PLS3: variants seen among roughly 807,000 people sequenced by gnomAD.
The protein encoded by PLS3 is plastin-3.
In PLS3, 11 loss-of-function variants were observed where a neutral mutation model predicts 46.5. The ratio of observed to expected loss-of-function variants is 0.24; its 90% CI spans 0.15 to 0.39. PLS3 has a LOEUF of 0.39. Among genes scored for constraint, PLS3 ranks in the 10% least tolerant of loss-of-function variants. The probability of loss-of-function intolerance (pLI) is 1.00; values close to 1 mark genes in which losing one functional copy is unlikely to be tolerated. For missense variants in PLS3, 308 were observed against 461.8 expected, an observed-to-expected ratio of 0.67 and a Z score of 3.05; for synonymous variants, 167 against 162.2, an observed-to-expected ratio of 1.03 and a Z score of -0.22.
chrX:115,649,786 T>A lies in PLS3; in HGVS notation c.*225T>A. On this transcript the variant is annotated 3_prime_UTR_variant, in exon 16 of 16. Coordinates refer to ENST00000355899, the MANE Select transcript of PLS3 (RefSeq NM_005032.7). ...TTGAATTTGTCAGGCACGCCTGAAATGTGCTCATAGCCAAAACATTTTACT... is the reference window on the plus strand; with the variant it reads ...TTGAATTTGTCAGGCACGCCTGAAAAGTGCTCATAGCCAAAACATTTTACT... The A allele has an allele frequency of 3.4e-6, 1 of 296,244 alleles. No individual in the cohort carries two copies. Among genetic ancestry groups the A allele is most frequent in the Non-Finnish European group, 6.0e-6 (1 of 165,874 alleles). The allele number at this position is 296,244 out of a possible 1,213,427, so 24.4% of individuals were successfully genotyped here. A position where few individuals can be genotyped will look rare whatever the true frequency, so the allele number is the denominator to read the frequency against.
At chrX:115,621,513 C>T (rs1556637566) in intron 2 of PLS3, among the ~76,000 whole-genome samples, 1 of 110,958 alleles carries the variant, frequency 9.0e-6, no homozygotes. Context: ...AGGACATTAG[C>T]CTTTTTCTCA....
chrX:115,603,782 C>G (rs1556634912), intron 1 of PLS3, among the ~76,000 whole-genome samples: 1 of 111,356 alleles, frequency 9.0e-6, no homozygotes, highest in Non-Finnish European at 1.9e-5. Context: ...GAAATAAACA[C>G]ATAAAGTCCA....
At chrX:115,591,559 C>A (rs1308269911) in intron 1 of PLS3, among the ~76,000 whole-genome samples, 1 of 111,389 alleles carries the variant, frequency 9.0e-6, no homozygotes, top group Non-Finnish European at 1.9e-5. Flanking sequence ...TGGGACAGAC[C>A]CGTCTCAGTG....
At position 115,643,441 on chromosome X, in the gene PLS3, C is replaced by T. The variant is rs782125600; in HGVS notation, c.1116C>T (p.Asn372=). The T allele has an allele frequency of 3.3e-6, 4 of 1,201,594 alleles. No individual in the cohort carries two copies. The highest frequency in any genetic ancestry group is 4.5e-6 in the Non-Finnish European group (4 of 887,982). ...AACTCAACTTAGCTTTCGTGGCTAACCTGTTTAATAAATACCCAGCACTAA... is the reference window on the plus strand; with the variant it reads ...AACTCAACTTAGCTTTCGTGGCTAATCTGTTTAATAAATACCCAGCACTAA... The part of the protein sequence containing the change: ...NPKLNLAFVA[N]LFNKYPALTK... The change falls in exon 10 of 16, where the codon AAC becomes AAT. Residue 372 remains asparagine, a synonymous_variant. Transcript: ENST00000355899.
At chrX:115,620,662 G>GC (rs1409261148) in intron 2 of PLS3, among the ~76,000 whole-genome samples, 1 of 105,855 alleles carries the variant, frequency 9.4e-6, no homozygotes, top group African/African-American at 3.5e-5. Flanking sequence ...GGGCAAGATA[G>GC]CCCCAGTCTA....
chrX:115,616,442 C>T (rs782551243), intron 2 of PLS3, among the ~76,000 whole-genome samples: 1 of 112,036 alleles, frequency 8.9e-6, no homozygotes, highest in African/African-American at 3.2e-5. Flanking sequence ...GTTTGTAAAA[C>T]GAAACTACTT....
intron 10 of PLS3, 144 bp downstream of exon 10, chrX:115,643,652 G>A: frequency 4.7e-6 from 2 of 426,885 alleles, no homozygotes; most frequent in Non-Finnish European, 8.2e-6. Flanking sequence ...TGGCAGGAAA[G>A]TACGATACAA....
chrX:115,587,769 T>G (rs1387297987), intron 1 of PLS3, among the ~76,000 whole-genome samples: 1 of 111,216 alleles, frequency 9.0e-6, no homozygotes, highest in Non-Finnish European at 1.9e-5. Context: ...AGTTTTACTT[T>G]GAAAGATTGA....
chrX:115,634,480 C>T (rs1388177615), intron 6 of PLS3, among the ~76,000 whole-genome samples: 1 of 111,639 alleles, frequency 9.0e-6, no homozygotes, highest in Non-Finnish European at 1.9e-5. Context: ...GGGATGTGGA[C>T]ATTGATAACT....
At chrX:115,625,199 G>A (rs1393631924) in intron 3 of PLS3, among the ~76,000 whole-genome samples, 1 of 111,552 alleles carries the variant, frequency 9.0e-6, no homozygotes, top group Non-Finnish European at 1.9e-5. Flanking sequence ...ATACAAACAT[G>A]TTCTTGCTTG....
intron 1 of PLS3, among the ~76,000 whole-genome samples, chrX:115,597,619 T>C (rs1382633436): frequency 8.9e-6 from 1 of 112,261 alleles, no homozygotes; most frequent in Admixed American, 9.4e-5. Context: ...ACTTTACAAG[T>C]ATTCCTGAAA....
At chrX:115,599,070 A>G (rs369855742) in intron 1 of PLS3, among the ~76,000 whole-genome samples, 2 of 111,450 alleles carry the variant, frequency 1.8e-5, no homozygotes, top group East Asian at 5.6e-4. Context: ...TTTTCTGGCA[A>G]CTGTTCTTAT....
At chrX:115,648,457 A>G (rs2074973580) in intron 15 of PLS3, among the ~76,000 whole-genome samples, 1 of 111,341 alleles carries the variant, frequency 9.0e-6, no homozygotes, top group Non-Finnish European at 1.9e-5. Flanking sequence ...ATCAGTTCCC[A>G]TATTAACAGA....
rs954233194 is a variant in PLS3 at position 115,635,756 on chromosome X, G to A, written c.748+710G>A. On this transcript the variant is annotated intron_variant, in intron 7 of 15. Coordinates refer to ENST00000355899, the MANE Select transcript of PLS3 (RefSeq NM_005032.7). ...TGTAATCCCAGCACTTTGGGAGGCC[G>A]AGACAGGTGGATCACTTGAGGCCAG... Among the ~76,000 whole-genome samples, 12 of 109,459 alleles carry A rather than the reference G, an allele frequency of 1.1e-4. No individual in the cohort carries two copies. The East Asian group carries it at 3.5e-3, about 32-fold the overall frequency.
At position 115,614,615 on chromosome X, in the gene PLS3, G is replaced by A. The variant is rs782447961; in HGVS notation, c.73+4292G>A. 57 of 626,942 alleles carry A rather than the reference G, an allele frequency of 9.1e-5. No individual in the cohort carries two copies. The South Asian group carries it at 1.0e-3, about 11-fold the overall frequency. 51.7% of individuals were successfully genotyped at this position (626,942 alleles called of 1,213,427 possible). On this transcript the variant is annotated intron_variant, in intron 2 of 15. Transcript: ENST00000355899. The stretch of plus-strand genomic sequence containing the variant: ...CAGCTGCCTTTTCTAAGGATTTAAT[G>A]CCTAATGAAAGCTTGATTTCACTGC...
At chrX:115,617,906 C>T (rs1400545512) in intron 2 of PLS3, among the ~76,000 whole-genome samples, 2 of 111,852 alleles carry the variant, frequency 1.8e-5, no homozygotes, top group African/African-American at 3.3e-5. Flanking sequence ...TAATTTCTCC[C>T]TGCGACCCAA....
At position 115,622,060 on chromosome X, in the gene PLS3, A is replaced by T. The variant is rs782151423; in HGVS notation, c.74-186A>T. On this transcript the variant is annotated intron_variant, in intron 2 of 15. Coordinates refer to ENST00000355899, the MANE Select transcript of PLS3 (RefSeq NM_005032.7). ...ACACATTGCTTAAATCACAGGATAC[A>T]TGATGTAAAACCTTGCTTTTTCCAT... The T allele has an allele frequency of 3.5e-5, 14 of 397,278 alleles. No homozygotes were observed. The East Asian group carries it at 6.0e-4, about 17-fold the overall frequency. 32.7% of individuals were successfully genotyped at this position (397,278 alleles called of 1,213,427 possible).
intron 1 of PLS3, among the ~76,000 whole-genome samples, chrX:115,561,735 C>A (rs940681534): frequency 2.7e-5 from 3 of 110,489 alleles, no homozygotes; most frequent in Non-Finnish European, 5.7e-5. Context: ...AGCCAGCAGC[C>A]TGCTACTCCT....
chrX:115,628,604 G>A (rs1556638796), intron 3 of PLS3, among the ~76,000 whole-genome samples: 1 of 111,678 alleles, frequency 9.0e-6, no homozygotes, highest in African/African-American at 3.3e-5. Context: ...TCCTTACTGT[G>A]AAGAGAAGCT....
Sources: gnomAD v4.1 joint callset for allele counts (sites outside exome capture counted in the v4.1 genomes callset) on GRCh38, gnomAD v4.1.1 for gene constraint, MANE v1.5 for transcripts, NCBI Gene and HGNC (gene_info 2026-07-23, HGNC 2026-07-21) for gene names.